ST3GAL4: variants seen among roughly 807,000 people sequenced by gnomAD.
ST3GAL4 encodes CMP-N-acetylneuraminate-beta-galactosamide-alpha-2,3-sialyltransferase 4.
Under a neutral mutation model 42.6 loss-of-function variants are expected in ST3GAL4, and 24 were observed. That is an observed-to-expected ratio of 0.56 (90% CI 0.41 to 0.79). ST3GAL4 has a LOEUF of 0.79. Ranked by LOEUF, ST3GAL4 falls within the 30% of genes least tolerant of loss-of-function variation. The probability of loss-of-function intolerance (pLI) is 0.00; values close to 1 mark genes in which losing one functional copy is unlikely to be tolerated. For missense variants in ST3GAL4, 311 were observed against 430.8 expected, an observed-to-expected ratio of 0.72 and a Z score of 2.46; for synonymous variants, 135 against 163.2, an observed-to-expected ratio of 0.83 and a Z score of 1.32.
chr11:126,378,767 C>T lies in ST3GAL4; in HGVS notation c.-61+22925C>T, dbSNP rs774514926. Among the ~76,000 whole-genome samples, 9 of 152,164 alleles carry T rather than the reference C, an allele frequency of 5.9e-5. No individual in the cohort carries two copies. The highest frequency in any genetic ancestry group is 3.9e-4 in the East Asian group (2 of 5,194). On this transcript the variant is annotated intron_variant, in intron 1 of 10. Coordinates refer to ENST00000444328, the MANE Select transcript of ST3GAL4 (RefSeq NM_001254757.2). This position sits in a 1 kb window ranked among gnomAD's most constrained non-coding sequence, Gnocchi z 5.3. ...TATGTAGTGGATCTATTGAGGCATA[C>T]GATTTTCCTGTAGCATTTCCATTGA...
In ST3GAL4 at chr11:126,359,501, C is replaced by T. The variant is rs1480537769; in HGVS notation, c.-61+3659C>T. 6.6e-6 allele frequency among the ~76,000 whole-genome samples: 1 copy of T among 152,210 alleles called. No homozygotes were observed. Among genetic ancestry groups the T allele is most frequent in the Non-Finnish European group, 1.5e-5 (1 of 68,036 alleles). On this transcript the variant is annotated intron_variant, in intron 1 of 10. Transcript: ENST00000444328. This position sits in a 1 kb window ranked among gnomAD's most constrained non-coding sequence, Gnocchi z 4.8. ...AACCTTCACTTTTCAGCCCAGTTCTCAACTGCCCCCTGGAGTTTGCTCATT... is the reference window on the plus strand; with the variant it reads ...AACCTTCACTTTTCAGCCCAGTTCTTAACTGCCCCCTGGAGTTTGCTCATT...
Position 126,409,183 on chromosome 11 carries a change from T to A in ST3GAL4, c.628-85T>A. The A allele has an allele frequency of 6.4e-7, 1 of 1,557,762 alleles. No homozygotes were observed. Among genetic ancestry groups the A allele is most frequent in the South Asian group, 1.2e-5 (1 of 84,206 alleles). ...GGCCTCTGCCATCGCTTGGACCCCC[T>A]CGCCTCGCTGAGGACCACTGGGTTG... On this transcript the variant is annotated intron_variant, in intron 8 of 10. Coordinates refer to ENST00000444328, the MANE Select transcript of ST3GAL4 (RefSeq NM_001254757.2). This position sits in a 1 kb window ranked among gnomAD's most constrained non-coding sequence, Gnocchi z 4.9.
At chr11:126,381,572 G>T (rs1044514859) in intron 1 of ST3GAL4, among the ~76,000 whole-genome samples, 1 of 148,790 alleles carries the variant, frequency 6.7e-6, no homozygotes, top group Non-Finnish European at 1.5e-5. Flanking sequence ...GGGAGCAGGA[G>T]GGGGAAGTGC....
chr11:126,377,833 CA>C (rs1431912753), intron 1 of ST3GAL4, among the ~76,000 whole-genome samples: 20 of 152,330 alleles, frequency 1.3e-4, no homozygotes, highest in African/African-American at 4.8e-4. Context: ...GTTAAAGTAG[CA>C]AGAAGTCTTC....
chr11:126,406,181 A>T lies in ST3GAL4; in HGVS notation c.16+10A>T. 6.4e-7 allele frequency: 1 copy of T among 1,557,574 alleles called. No homozygotes were observed. On this transcript the variant is annotated intron_variant, in intron 2 of 10. Coordinates refer to ENST00000444328, the MANE Select transcript of ST3GAL4 (RefSeq NM_001254757.2). This position sits in a 1 kb window ranked among gnomAD's most constrained non-coding sequence, Gnocchi z 5.4. ...ATGGTCAGCAAGTCCCGTGAGTGTC[A>T]TCCGAGGGCTCCCCCACCCTGGAGG...
At chr11:126,360,664 C>T (rs1309642730) in intron 1 of ST3GAL4, among the ~76,000 whole-genome samples, 2 of 152,144 alleles carry the variant, frequency 1.3e-5, no homozygotes, top group African/African-American at 2.4e-5. Flanking sequence ...CCTTGTGATC[C>T]GCCCACCTCA....
chr11:126,398,148 G>T lies in ST3GAL4; in HGVS notation c.-60-7948G>T, dbSNP rs570160324. ...AAGTCAGCTGTGGGTAAAACTCAAG[G>T]TATGGTTCATCCTGAATCAAATTCC... On this transcript the variant is annotated intron_variant, in intron 1 of 10. Coordinates refer to ENST00000444328, the MANE Select transcript of ST3GAL4 (RefSeq NM_001254757.2). The surrounding 1 kb of genome is among the most constrained non-coding windows in gnomAD (Gnocchi z 4.7). Among the ~76,000 whole-genome samples, 6 of 152,310 alleles carry T rather than the reference G, an allele frequency of 3.9e-5. 1 individual carries two copies. In the South Asian group the frequency reaches 1.2e-3, roughly 32 times the overall value.
chr11:126,409,695 A>C lies in ST3GAL4; in HGVS notation c.771+284A>C, dbSNP rs1291624955. On this transcript the variant is annotated intron_variant, in intron 9 of 10. Transcript: ENST00000444328. The surrounding 1 kb of genome is among the most constrained non-coding windows in gnomAD (Gnocchi z 4.9). ...TGGCAGGCGCTGGTCAGAATTTGTC[A>C]ACTGGGGAGCTGCTGGAACAGTCAG... Among the ~76,000 whole-genome samples, 2 of 152,138 alleles carry C rather than the reference A, an allele frequency of 1.3e-5. No individual in the cohort carries two copies. Among genetic ancestry groups the C allele is most frequent in the Non-Finnish European group, 2.9e-5 (2 of 68,016 alleles).
At chr11:126,401,824 C>G (rs73632801) in intron 1 of ST3GAL4, among the ~76,000 whole-genome samples, 9,598 of 151,586 alleles carry the variant, frequency 0.063, 903 homozygotes, top group African/African-American at 0.2. Context: ...GCATAGGGGT[C>G]GGGGGACAGA....
chr11:126,381,646 G>A (rs552507442), intron 1 of ST3GAL4, among the ~76,000 whole-genome samples: 1 of 145,670 alleles, frequency 6.9e-6, no homozygotes, highest in African/African-American at 2.6e-5. Context: ...TCCAGCCACC[G>A]ACTTCTGCTT....
intron 1 of ST3GAL4, among the ~76,000 whole-genome samples, chr11:126,394,974 G>GC (rs1210487752): frequency 6.6e-6 from 1 of 152,108 alleles, no homozygotes; most frequent in Non-Finnish European, 1.5e-5. Flanking sequence ...GCATGACCCT[G>GC]AGGCAGTTAG....
In ST3GAL4 at chr11:126,373,748, A is replaced by G. The variant is rs1047306126; in HGVS notation, c.-61+17906A>G. On this transcript the variant is annotated intron_variant, in intron 1 of 10. Transcript: ENST00000444328. The surrounding 1 kb of genome is among the most constrained non-coding windows in gnomAD (Gnocchi z 5.5). ...GAGAGATGTTTCCATCCTCCCATGC[A>G]TGACCCTGAGGCAGTTAGCTGGTCA... 6.6e-6 allele frequency among the ~76,000 whole-genome samples: 1 copy of G among 152,052 alleles called. No individual in the cohort carries two copies. Among genetic ancestry groups the G allele is most frequent in the Non-Finnish European group, 1.5e-5 (1 of 68,004 alleles).
At position 126,408,913 on chromosome 11, in the gene ST3GAL4, G is replaced by A. The variant is rs1447204478; in HGVS notation, c.628-355G>A. The A allele has an allele frequency of 1.3e-5, 5 of 399,512 alleles. 1 individual carries two copies. The highest frequency in any genetic ancestry group is 9.9e-5 in the African/African-American group (5 of 50,592). The allele number at this position is 399,512 out of a possible 1,614,324, so 24.7% of individuals were successfully genotyped here. On this transcript the variant is annotated intron_variant, in intron 8 of 10. Transcript: ENST00000444328. ...AGTTCACTACATCACTTTGCCATCCGGTCACAGGCTGAACTGTCCCATCTG... is the reference window on the plus strand; with the variant it reads ...AGTTCACTACATCACTTTGCCATCCAGTCACAGGCTGAACTGTCCCATCTG...
chr11:126,394,909 C>T (rs1364642582), intron 1 of ST3GAL4, among the ~76,000 whole-genome samples: 1 of 152,124 alleles, frequency 6.6e-6, no homozygotes, highest in Non-Finnish European at 1.5e-5. Context: ...GGAAGCCTGT[C>T]TGGCTCCTTT....
rs1452865314 is a variant in ST3GAL4 at position 126,379,735 on chromosome 11, CCTT to C, written c.-61+23894_-61+23896del. On this transcript the variant is annotated intron_variant, in intron 1 of 10. Transcript: ENST00000444328. This position sits in a 1 kb window ranked among gnomAD's most constrained non-coding sequence, Gnocchi z 4.2. ...TTAGGCGATCCAACCACCTTGGCCT[CCTT>C]AAGTGCTGGGATTACAGGCATGAGC... Among the ~76,000 whole-genome samples the C allele has an allele frequency of 3.9e-5, 6 of 152,128 alleles. No individual in the cohort carries two copies. Among genetic ancestry groups the C allele is most frequent in the Non-Finnish European group, 8.8e-5 (6 of 68,018 alleles).
chr11:126,412,179 T>A (rs1954561117), intron 9 of ST3GAL4, among the ~76,000 whole-genome samples: 1 of 152,094 alleles, frequency 6.6e-6, no homozygotes, highest in South Asian at 2.1e-4. Context: ...GTAAGGAGAC[T>A]GTGTCCAGGC....
intron 1 of ST3GAL4, among the ~76,000 whole-genome samples, chr11:126,401,164 A>G (rs1311122437): frequency 6.6e-6 from 1 of 152,092 alleles, no homozygotes; most frequent in Non-Finnish European, 1.5e-5. Flanking sequence ...AAGAGCTCGA[A>G]TCATCAGTGT....
Position 126,396,518 on chromosome 11 carries a change from G to T in ST3GAL4, c.-60-9578G>T, listed in dbSNP as rs1953770128. ...TGCAGAGCTTCCAGAGAGCACCAGG[G>T]CTGTGGGGGCTAGAGACTGTGTCTC... On this transcript the variant is annotated intron_variant, in intron 1 of 10. Transcript: ENST00000444328. This position sits in a 1 kb window ranked among gnomAD's most constrained non-coding sequence, Gnocchi z 5.8. 6.6e-6 allele frequency among the ~76,000 whole-genome samples: 1 copy of T among 151,952 alleles called. No homozygotes were observed. The highest frequency in any genetic ancestry group is 2.1e-4 in the South Asian group (1 of 4,836).
rs1953809156 is a variant in ST3GAL4, at chr11:126,397,097, G to C, written c.-60-8999G>C. On this transcript the variant is annotated intron_variant, in intron 1 of 10. Coordinates refer to ENST00000444328, the MANE Select transcript of ST3GAL4 (RefSeq NM_001254757.2). This position sits in a 1 kb window ranked among gnomAD's most constrained non-coding sequence, Gnocchi z 5.0. ...TCCAAGTCAGTGGTGCAGAGATTGAGAGATCCTGGTTTCGCGTTTTGAGCG... is the reference window on the plus strand; with the variant it reads ...TCCAAGTCAGTGGTGCAGAGATTGACAGATCCTGGTTTCGCGTTTTGAGCG... 6.6e-6 allele frequency among the ~76,000 whole-genome samples: 1 copy of C among 152,100 alleles called. No homozygotes were observed. Among genetic ancestry groups the C allele is most frequent in the Non-Finnish European group, 1.5e-5 (1 of 68,042 alleles).
Sources: gnomAD v4.1 joint callset for allele counts (sites outside exome capture counted in the v4.1 genomes callset) on GRCh38, gnomAD v4.1.1 for gene constraint, Gnocchi (gnomAD v3.1) non-coding constraint, MANE v1.5 for transcripts, NCBI Gene and HGNC (gene_info 2026-07-23, HGNC 2026-07-21) for gene names.